BBS12: variants seen among roughly 807,000 people sequenced by gnomAD.
BBS12 encodes chaperonin-containing T-complex member BBS12.
BBS12 carries 5 observed loss-of-function variants against 5.6 expected under a neutral mutation model. That is an observed-to-expected ratio of 0.89 (90% confidence interval 0.46 to 1.86). The LOEUF (loss-of-function observed/expected upper bound fraction) is 1.86. Among genes scored for constraint, BBS12 ranks in the 40% most tolerant of loss-of-function variants. BBS12 has a pLI of 0.01. For missense variants in BBS12, 748 were observed against 830.4 expected, an observed-to-expected ratio of 0.90 and a Z score of 1.22; for synonymous variants, 308 against 306.8, an observed-to-expected ratio of 1.00 and a Z score of -0.04.
chr4:122,726,526 A>G, the BBS12 span, among the ~76,000 whole-genome samples: 2 of 152,362 alleles, frequency 1.3e-5, no homozygotes, highest in South Asian at 2.1e-4. Context: ...GATTCCTCAA[A>G]GAACTAAAAG....
chr4:122,736,627 G>C (rs28402676), intron 1 of BBS12, among the ~76,000 whole-genome samples: 3,574 of 152,240 alleles, frequency 0.023, 142 homozygotes, highest in African/African-American at 0.082. Context: ...ACAGAGAACT[G>C]TTTGTGGAAA....
the BBS12 span, among the ~76,000 whole-genome samples, chr4:122,705,852 T>C: frequency 6.6e-6 from 1 of 152,244 alleles, no homozygotes; most frequent in East Asian, 1.9e-4. Context: ...AGAACACTCT[T>C]GCCCATAGAA....
At chr4:122,714,718 T>C in the BBS12 span, among the ~76,000 whole-genome samples, 2 of 152,004 alleles carry the variant, frequency 1.3e-5, no homozygotes, top group Non-Finnish European at 2.9e-5. Flanking sequence ...ACAGTTGAAA[T>C]GAATGAACTC....
chr4:122,719,267 C>T, the BBS12 span, among the ~76,000 whole-genome samples: 1 of 152,102 alleles, frequency 6.6e-6, no homozygotes, highest in African/African-American at 2.4e-5. Context: ...TGTAAATGCA[C>T]CAATCAGCAC....
chr4:122,743,579 C>G lies in BBS12; in HGVS notation c.1687C>G (p.His563Asp), dbSNP rs745393351. 1.1e-5 allele frequency: 17 copies of G among 1,614,036 alleles called. No individual in the cohort carries two copies. Among genetic ancestry groups the G allele is most frequent in the Non-Finnish European group, 1.3e-5 (15 of 1,180,030 alleles). The change falls in exon 2 of 2, where the codon CAT becomes GAT. Residue 563 changes from histidine (H) to aspartate (D), a missense_variant. Transcript: ENST00000314218. ...LAEQSLKKEN[H>D]ACSGWLHNTS... ...AGAGCAATCTCTGAAAAAAGAAAAC[C>G]ATGCCTGCTCAGGGTGGCTGCATAA... is the stretch of plus-strand genomic sequence containing the variant.
chr4:122,707,038 GTCTCTC>G, the BBS12 span, among the ~76,000 whole-genome samples: 4 of 97,324 alleles, frequency 4.1e-5, no homozygotes, highest in Admixed American at 1.3e-4. Context: ...TATTCATTTT[GTCTCTC>G]TCTCTCTCTC....
At chr4:122,734,141 G>A (rs1160329081) in intron 1 of BBS12, 1 of 152,080 alleles carries the variant, frequency 6.6e-6, no homozygotes, top group African/African-American at 2.4e-5. Context: ...AAGTTACCCA[G>A]TGAAAATTAA....
At chr4:122,721,375 G>A in the BBS12 span, among the ~76,000 whole-genome samples, 14 of 152,202 alleles carry the variant, frequency 9.2e-5, no homozygotes, top group African/African-American at 3.4e-4. Flanking sequence ...GAGCTAATCT[G>A]TTGTAAAATT....
chr4:122,702,996 T>C, the BBS12 span, among the ~76,000 whole-genome samples: 5 of 152,242 alleles, frequency 3.3e-5, no homozygotes, highest in Non-Finnish European at 7.3e-5. Context: ...ATTGTTATAG[T>C]AAAGTATAAA....
At chr4:122,700,667 A>G in the BBS12 span, among the ~76,000 whole-genome samples, 1 of 152,184 alleles carries the variant, frequency 6.6e-6, no homozygotes, top group Non-Finnish European at 1.5e-5. Context: ...AAACTGCTTC[A>G]CAGTTGAGGA....
chr4:122,713,661 G>C, the BBS12 span, among the ~76,000 whole-genome samples: 1 of 152,202 alleles, frequency 6.6e-6, no homozygotes, highest in Admixed American at 6.5e-5. Context: ...CTATTGGATT[G>C]AGTAAGATCA....
At chr4:122,702,181 G>A in the BBS12 span, among the ~76,000 whole-genome samples, 6 of 152,118 alleles carry the variant, frequency 3.9e-5, no homozygotes, top group African/African-American at 1.2e-4. Context: ...GAGCTCAGGC[G>A]ATCCTCCTGC....
chr4:122,727,015 T>C, the BBS12 span, among the ~76,000 whole-genome samples: 1 of 152,154 alleles, frequency 6.6e-6, no homozygotes, highest in Non-Finnish European at 1.5e-5. Flanking sequence ...ACTGCTCAGG[T>C]GATGGGTGCA....
the BBS12 span, among the ~76,000 whole-genome samples, chr4:122,722,458 A>T: frequency 6.6e-6 from 1 of 152,224 alleles, no homozygotes; most frequent in African/African-American, 2.4e-5. Flanking sequence ...TAGGATTTTG[A>T]TTGCACAATA....
Position 122,742,206 on chromosome 4 carries a change from T to G in BBS12, c.314T>G (p.Leu105Arg). Residue 105 changes from leucine to arginine, a missense_variant, in exon 2 of 2, where the codon CTT becomes CGT. Leu to Arg is a moderately radical substitution (Grantham distance 102, BLOSUM62 -2). Coordinates refer to ENST00000314218, the MANE Select transcript of BBS12 (RefSeq NM_152618.3). ...AGTGCAGTTGAAGAATGTCTTCATC[T>G]TGGTGTCCCCATTTCCATAATAGTA... ...WSSAVEECLH[L>R]GVPISIIVSV... 1.2e-6 allele frequency: 2 copies of G among 1,613,904 alleles called. No homozygotes were observed. The highest frequency in any genetic ancestry group is 1.7e-6 in the Non-Finnish European group (2 of 1,180,028).
chr4:122,710,417 T>C, the BBS12 span, among the ~76,000 whole-genome samples: 1 of 152,248 alleles, frequency 6.6e-6, no homozygotes, highest in Non-Finnish European at 1.5e-5. Flanking sequence ...CCCAAGATAA[T>C]GCAGGGAATC....
At chr4:122,736,661 C>T (rs1800788075) in intron 1 of BBS12, among the ~76,000 whole-genome samples, 1 of 152,116 alleles carries the variant, frequency 6.6e-6, no homozygotes, top group Admixed American at 6.5e-5. Flanking sequence ...ACAGGACATG[C>T]ATAGCAGGAC....
chr4:122,701,511 T>C, the BBS12 span, among the ~76,000 whole-genome samples: 1 of 152,194 alleles, frequency 6.6e-6, no homozygotes, highest in Admixed American at 6.5e-5. Flanking sequence ...CATGCACAAA[T>C]GTGGGGTAAG....
At chr4:122,711,151 C>T in the BBS12 span, among the ~76,000 whole-genome samples, 3 of 152,118 alleles carry the variant, frequency 2.0e-5, no homozygotes, top group African/African-American at 7.2e-5. Flanking sequence ...CATACAAGCA[C>T]CTCAGGGGCA....
Sources: gnomAD v4.1 joint callset for allele counts (sites outside exome capture counted in the v4.1 genomes callset) on GRCh38, gnomAD v4.1.1 for gene constraint, MANE v1.5 for transcripts, NCBI Gene and HGNC (gene_info 2026-07-23, HGNC 2026-07-21) for gene names.